STX3: variants seen among roughly 807,000 people sequenced by gnomAD.
The protein encoded by STX3 is syntaxin 3.
In STX3, 19 loss-of-function variants were observed where a neutral mutation model predicts 40.2. That is an observed-to-expected ratio of 0.47 (90% CI 0.33 to 0.69). The LOEUF is 0.69. Among genes scored for constraint, STX3 ranks in the 30% least tolerant of loss-of-function variants. STX3 has a pLI of 0.02. For missense variants in STX3, 364 were observed against 366.7 expected (o/e 0.99, Z 0.06); for synonymous variants, 122 against 132.2 (o/e 0.92, Z 0.53).
chr11:59,800,315 T>A (rs1239044507), intron 10 of STX3: 4 of 985,310 alleles, frequency 4.1e-6, no homozygotes, highest in Non-Finnish European at 4.8e-6. Flanking sequence ...CTGCTTGCTC[T>A]AAGATCATAG....
intron 9 of STX3, among the ~76,000 whole-genome samples, chr11:59,796,463 A>G (rs1225296860): frequency 2.6e-5 from 4 of 151,988 alleles, no homozygotes; most frequent in African/African-American, 9.7e-5. Context: ...TTTTCATCCA[A>G]CTTTACCTAT....
chr11:59,786,940 T>C (rs777293371), intron 2 of STX3, 97 bp from the exon 3 acceptor site: 14 of 1,003,930 alleles, frequency 1.4e-5, no homozygotes, highest in Admixed American at 8.5e-5. Flanking sequence ...ACCCAGAAGA[T>C]GGGCAGCTTT....
At chr11:59,781,836 C>G in intron 2 of STX3, 1 of 1,031,378 alleles carries the variant, frequency 9.7e-7, no homozygotes, top group South Asian at 1.5e-5. Flanking sequence ...GCTTGGGATT[C>G]TGTCATTTTT....
chr11:59,774,851 A>G (rs1016079727), intron 2 of STX3, among the ~76,000 whole-genome samples: 1 of 152,128 alleles, frequency 6.6e-6, no homozygotes, highest in Non-Finnish European at 1.5e-5. Flanking sequence ...AACAACAACA[A>G]AAACCAAGAG....
chr11:59,801,241 T>A lies in STX3; in HGVS notation c.*417T>A. The A allele has an allele frequency of 9.5e-7, 1 of 1,051,606 alleles. No homozygotes were observed. The highest frequency in any genetic ancestry group is 7.4e-5 in the East Asian group (1 of 13,564). The allele number at this position is 1,051,606 out of a possible 1,614,324, so 65.1% of individuals were successfully genotyped here. The stretch of plus-strand genomic sequence containing the variant: ...ACTGCAATGTATTTTTTTAGGGGAG[T>A]ATCTTTAACAAAGCAGAATGATTCT... On this transcript the variant is annotated 3_prime_UTR_variant, in exon 11 of 11. Coordinates refer to ENST00000337979, the MANE Select transcript of STX3 (RefSeq NM_004177.5).
intron 1 of STX3, among the ~76,000 whole-genome samples, chr11:59,758,241 G>A (rs1330392013): frequency 1.3e-5 from 2 of 152,144 alleles, no homozygotes; most frequent in African/African-American, 4.8e-5. Flanking sequence ...CTCCAGCATG[G>A]GAAGGAAGCA....
Position 59,803,237 on chromosome 11 carries a change from T to C in STX3, c.*2413T>C, listed in dbSNP as rs1865964516. 1 of 1,231,714 alleles carries C rather than the reference T, an allele frequency of 8.1e-7. No homozygotes were observed. Among genetic ancestry groups the C allele is most frequent in the Non-Finnish European group, 1.0e-6 (1 of 987,962 alleles). The allele number at this position is 1,231,714 out of a possible 1,614,324, so 76.3% of individuals were successfully genotyped here. On this transcript the variant is annotated 3_prime_UTR_variant, in exon 11 of 11. Transcript: ENST00000337979. ...GAGCAGAAGAAGATCATGATCATGATCTGCTGTATTATCCTTGCGATCATC... is the reference window on the plus strand; with the variant it reads ...GAGCAGAAGAAGATCATGATCATGACCTGCTGTATTATCCTTGCGATCATC...
intron 2 of STX3, among the ~76,000 whole-genome samples, chr11:59,786,266 G>T (rs901618219): frequency 7.1e-5 from 10 of 141,490 alleles, no homozygotes; most frequent in African/African-American, 2.4e-4. Context: ...TTTTGAGGCA[G>T]TCTCGCTGTG....
intron 8 of STX3, 26 bp from the exon 9 acceptor site, chr11:59,795,346 G>A (rs766040635): frequency 1.8e-5 from 28 of 1,588,394 alleles, no homozygotes; most frequent in Non-Finnish European, 2.3e-5. Context: ...CGTTTACTTG[G>A]TGTGATCAGA....
chr11:59,800,573 T>C (rs1474532400), intron 10 of STX3: 3 of 985,264 alleles, frequency 3.0e-6, no homozygotes, highest in African/African-American at 1.7e-5. Flanking sequence ...GTGTTTTCAC[T>C]AGGGATTGTC....
intron 1 of STX3, among the ~76,000 whole-genome samples, chr11:59,759,793 TG>T (rs1166014276): frequency 6.6e-6 from 1 of 152,238 alleles, no homozygotes; most frequent in Non-Finnish European, 1.5e-5. Flanking sequence ...AGGATCTTTG[TG>T]GAATCATAGT....
chr11:59,774,135 G>A (rs1433223010), intron 2 of STX3, among the ~76,000 whole-genome samples: 1 of 152,160 alleles, frequency 6.6e-6, no homozygotes, highest in African/African-American at 2.4e-5. Flanking sequence ...GGTCCTCAAT[G>A]GGATGGTACT....
chr11:59,803,144 A>G lies in STX3; in HGVS notation c.*2320A>G. 1 of 1,230,824 alleles carries G rather than the reference A, an allele frequency of 8.1e-7. No homozygotes were observed. 76.2% of individuals were successfully genotyped at this position (1,230,824 alleles called of 1,614,324 possible). A position where few individuals can be genotyped will look rare whatever the true frequency, so the allele number is the denominator to read the frequency against. ...CACACCCTCTTCCATGTCCACATGCACTTATCTCCCTGCAGAATACTTTTT... is the reference window on the plus strand; with the variant it reads ...CACACCCTCTTCCATGTCCACATGCGCTTATCTCCCTGCAGAATACTTTTT... On this transcript the variant is annotated 3_prime_UTR_variant, in exon 11 of 11. Transcript: ENST00000337979.
At chr11:59,795,721 C>CTTCA in intron 9 of STX3, 1 of 1,535,124 alleles carries the variant, frequency 6.5e-7, no homozygotes, top group Non-Finnish European at 8.7e-7. Flanking sequence ...GGGTGAGCAC[C>CTTCA]TTCATCTCAA....
At position 59,804,109 on chromosome 11, in the gene STX3, G is replaced by C. The variant is rs1019952721; in HGVS notation, c.*3285G>C. 2 of 151,796 alleles carry C rather than the reference G, an allele frequency of 1.3e-5. No homozygotes were observed. The highest frequency in any genetic ancestry group is 2.9e-5 in the Non-Finnish European group (2 of 68,092). The allele number at this position is 151,796 out of a possible 1,614,324, so 9.4% of individuals were successfully genotyped here. The stretch of plus-strand genomic sequence containing the variant: ...CAGGGTAGAGAAGCAAGCAGAGTGG[G>C]CGCCTCTTTAGGAAGTGACACAGCC... On this transcript the variant is annotated 3_prime_UTR_variant, in exon 11 of 11. Coordinates refer to ENST00000337979, the MANE Select transcript of STX3 (RefSeq NM_004177.5).
chr11:59,781,575 C>T, intron 2 of STX3: 1 of 1,613,440 alleles, frequency 6.2e-7, no homozygotes, highest in Non-Finnish European at 8.5e-7. Context: ...GAGGTTTTTA[C>T]CATCACAAGT....
intron 5 of STX3, among the ~76,000 whole-genome samples, chr11:59,791,622 G>A (rs959020307): frequency 2.0e-4 from 30 of 152,284 alleles, no homozygotes; most frequent in African/African-American, 7.2e-4. Flanking sequence ...AGGTGAGCAA[G>A]GAATAAAAAT....
intron 2 of STX3, chr11:59,781,764 T>TACA: frequency 1.3e-6 from 2 of 1,547,754 alleles, no homozygotes; most frequent in Admixed American, 3.9e-5. Flanking sequence ...ACATTTGTTT[T>TACA]CTAAAGCAAA....
chr11:59,801,016 A>G lies in STX3; in HGVS notation c.*192A>G, dbSNP rs1565195784. On this transcript the variant is annotated 3_prime_UTR_variant, in exon 11 of 11. Coordinates refer to ENST00000337979, the MANE Select transcript of STX3 (RefSeq NM_004177.5). The stretch of plus-strand genomic sequence containing the variant: ...ATCTAGCCCTGGGGGAATGTGATCT[A>G]CCTGATGCGACCCTGAGTTCTCCCC... 7 of 1,508,428 alleles carry G rather than the reference A, an allele frequency of 4.6e-6. No individual in the cohort carries two copies. Among genetic ancestry groups the G allele is most frequent in the Non-Finnish European group, 6.2e-6 (7 of 1,131,936 alleles). The allele number at this position is 1,508,428 out of a possible 1,614,324, so 93.4% of individuals were successfully genotyped here. A position where few individuals can be genotyped will look rare whatever the true frequency, so the allele number is the denominator to read the frequency against.
Sources: allele counts gnomAD v4.1 joint callset (sites outside exome capture counted in the v4.1 genomes callset), GRCh38; gene constraint gnomAD v4.1.1; transcripts MANE v1.5; gene names NCBI Gene and HGNC (gene_info 2026-07-23, HGNC 2026-07-21).